PLA2G12A: variants seen among roughly 807,000 people sequenced by gnomAD.
PLA2G12A encodes the protein group XIIA secretory phospholipase A2.
A neutral mutation model predicts 16.0 loss-of-function variants in PLA2G12A; 11 were observed. The ratio of observed to expected loss-of-function variants is 0.69; its 90% CI spans 0.43 to 1.13. The LOEUF is 1.13. Among genes scored for constraint, PLA2G12A ranks in the 50% most tolerant of loss-of-function variants. The pLI, the probability that PLA2G12A is intolerant of heterozygous loss-of-function variation, is 0.00. For synonymous variants in PLA2G12A, 77 were observed against 93.8 expected, an observed-to-expected ratio of 0.82 and a Z score of 1.03; for missense variants, 214 against 237.3, an observed-to-expected ratio of 0.90 and a Z score of 0.65.
intron 1 of PLA2G12A, among the ~76,000 whole-genome samples, chr4:109,720,809 C>A (rs1730926642): frequency 6.6e-6 from 1 of 151,820 alleles, no homozygotes. Flanking sequence ...TGGCTCACAC[C>A]TGTAATCCCA....
At chr4:109,724,867 C>A (rs1208336876) in intron 1 of PLA2G12A, among the ~76,000 whole-genome samples, 1 of 152,086 alleles carries the variant, frequency 6.6e-6, no homozygotes, top group Admixed American at 6.6e-5. Flanking sequence ...ATCTACTGTA[C>A]ATGAAAAACT....
At chr4:109,726,181 CT>C (rs71595512) in intron 1 of PLA2G12A, among the ~76,000 whole-genome samples, 10,881 of 152,234 alleles carry the variant, frequency 0.071, 418 homozygotes, top group African/African-American at 0.1. Flanking sequence ...AAACTACCCC[CT>C]CTCACTTACC....
intron 1 of PLA2G12A, among the ~76,000 whole-genome samples, chr4:109,727,580 C>A (rs1321433931): frequency 6.6e-6 from 1 of 152,052 alleles, no homozygotes; most frequent in African/African-American, 2.4e-5. Flanking sequence ...GTGCCAGAGA[C>A]CTTCCTCTAA....
chr4:109,726,981 T>G (rs1207841005), intron 1 of PLA2G12A, among the ~76,000 whole-genome samples: 3 of 150,898 alleles, frequency 2.0e-5, no homozygotes, highest in African/African-American at 7.3e-5. Context: ...CAACTAAAAA[T>G]ACCCCTTAAT....
chr4:109,722,099 A>C, intron 1 of PLA2G12A, among the ~76,000 whole-genome samples: 1 of 152,214 alleles, frequency 6.6e-6, no homozygotes, highest in East Asian at 1.9e-4. Context: ...GAGACGCTTT[A>C]ATGGCTTCTC....
chr4:109,729,966 T>A lies in PLA2G12A; in HGVS notation c.-157A>T. 1.6e-6 allele frequency: 1 copy of A among 617,958 alleles called. No homozygotes were observed. The highest frequency in any genetic ancestry group is 4.5e-4 in the Middle Eastern group (1 of 2,214). The allele number at this position is 617,958 out of a possible 1,614,324, so 38.3% of individuals were successfully genotyped here. On this transcript the variant is annotated 5_prime_UTR_variant, in exon 1 of 4. Coordinates refer to ENST00000243501, the MANE Select transcript of PLA2G12A (RefSeq NM_030821.5). ...TCCCGGCTGGCCCTCAGGATCTCGC[T>A]GTCTTTACGTGAACCGCCTCGGGCA...
At chr4:109,724,968 T>C (rs1412523316) in intron 1 of PLA2G12A, among the ~76,000 whole-genome samples, 2 of 152,228 alleles carry the variant, frequency 1.3e-5, no homozygotes, top group African/African-American at 2.4e-5. Flanking sequence ...TTCTTTAGTT[T>C]TTTTCAAGGC....
rs1457792233 is a variant in PLA2G12A at position 109,712,319 on chromosome 4, T to A, written c.*2058A>T. ...CTGTAAATCTAAAATTATCCCAAGT[T>A]TTTTTTTTTAATCTGAACATAAAAA... On this transcript the variant is annotated 3_prime_UTR_variant, in exon 4 of 4. Coordinates refer to ENST00000243501, the MANE Select transcript of PLA2G12A (RefSeq NM_030821.5). 6.6e-6 allele frequency: 1 copy of A among 150,524 alleles called. No individual in the cohort carries two copies. Among genetic ancestry groups the A allele is most frequent in the East Asian group, 1.9e-4 (1 of 5,162 alleles). 9.3% of individuals were successfully genotyped at this position (150,524 alleles called of 1,614,324 possible). A position where few individuals can be genotyped will look rare whatever the true frequency, so the allele number is the denominator to read the frequency against.
chr4:109,714,868 G>C (rs1201926085), intron 3 of PLA2G12A, among the ~76,000 whole-genome samples: 1 of 151,100 alleles, frequency 6.6e-6, no homozygotes, highest in African/African-American at 2.4e-5. Flanking sequence ...CTGAGTAGCT[G>C]GCATTACCAT....
Position 109,729,743 on chromosome 4 carries a change from G to A in PLA2G12A, c.67C>T (p.Gln23Ter). The change falls in exon 1 of 4, where the codon CAG (glutamine) becomes TAG (stop). Residue 23 changes from glutamine to a stop codon, truncating the protein, a stop_gained. Transcript: ENST00000243501. LOFTEE classifies it high-confidence loss of function. ...LLLMAAVVRC[Q>*]EQAQTTDWRA... is the part of the protein sequence containing the mutation. ...CAGTCGGTGGTCTGGGCCTGCTCCT[G>A]GCACCTGACAACAGCGGCCATGAGG... is the stretch of plus-strand genomic sequence containing the variant. The A allele has an allele frequency of 1.9e-6, 3 of 1,594,042 alleles. No individual in the cohort carries two copies. The highest frequency in any genetic ancestry group is 2.6e-6 in the Non-Finnish European group (3 of 1,171,274).
chr4:109,721,054 A>C (rs948250306), intron 1 of PLA2G12A, among the ~76,000 whole-genome samples: 1 of 152,190 alleles, frequency 6.6e-6, no homozygotes, highest in African/African-American at 2.4e-5. Context: ...CTGGGCAACA[A>C]GAGCGAAACT....
In PLA2G12A at chr4:109,712,068, T is replaced by C. The variant is rs1489420526; in HGVS notation, c.*2309A>G. The C allele has an allele frequency of 6.6e-6, 1 of 152,226 alleles. No homozygotes were observed. Among genetic ancestry groups the C allele is most frequent in the Admixed American group, 6.5e-5 (1 of 15,282 alleles). 9.4% of individuals were successfully genotyped at this position (152,226 alleles called of 1,614,324 possible). ...TCACAGACCAGAGGCTAATTAGGCA[T>C]GACGACTAATTCAGTGTGGTATCCT... is the stretch of plus-strand genomic sequence containing the variant. On this transcript the variant is annotated 3_prime_UTR_variant, in exon 4 of 4. Transcript: ENST00000243501.
At chr4:109,725,810 A>G (rs570861327) in intron 1 of PLA2G12A, among the ~76,000 whole-genome samples, 3 of 152,338 alleles carry the variant, frequency 2.0e-5, no homozygotes, top group East Asian at 3.9e-4. Context: ...GACAAGCACA[A>G]GAAGTAGTCT....
Position 109,726,651 on chromosome 4 carries a change from T to C in PLA2G12A, c.208+2951A>G, listed in dbSNP as rs191787913. ...AATTAATTAATGACTTATTCATCAT[T>C]CTAAAAACATTTACAAGCCAGTTTT... On this transcript the variant is annotated intron_variant, in intron 1 of 3. Coordinates refer to ENST00000243501, the MANE Select transcript of PLA2G12A (RefSeq NM_030821.5). Among the ~76,000 whole-genome samples the C allele has an allele frequency of 3.1e-4, 47 of 152,286 alleles. No homozygotes were observed. The East Asian group carries it at 8.1e-3, about 26-fold the overall frequency.
chr4:109,729,588 G>A lies in PLA2G12A; in HGVS notation c.208+14C>T. ...GAAAGCACGAGCCCTCGCTGGGCCCGGGTGCCCCCTCACCGTCACTGCATT... is the reference window on the plus strand; with the variant it reads ...GAAAGCACGAGCCCTCGCTGGGCCCAGGTGCCCCCTCACCGTCACTGCATT... On this transcript the variant is annotated intron_variant, in intron 1 of 3. Coordinates refer to ENST00000243501, the MANE Select transcript of PLA2G12A (RefSeq NM_030821.5). 6.2e-7 allele frequency: 1 copy of A among 1,601,752 alleles called. No individual in the cohort carries two copies. The highest frequency in any genetic ancestry group is 8.5e-7 in the Non-Finnish European group (1 of 1,171,998).
At chr4:109,725,215 A>G (rs1452418833) in intron 1 of PLA2G12A, among the ~76,000 whole-genome samples, 2 of 152,236 alleles carry the variant, frequency 1.3e-5, no homozygotes, top group East Asian at 1.9e-4. Flanking sequence ...TTCTTTATCC[A>G]CAGCAAAAAA....
At position 109,714,274 on chromosome 4, in the gene PLA2G12A, A is replaced by G. The variant is rs1730787657; in HGVS notation, c.*103T>C. The G allele has an allele frequency of 2.4e-6, 2 of 850,786 alleles. No individual in the cohort carries two copies. Among genetic ancestry groups the G allele is most frequent in the South Asian group, 2.9e-5 (2 of 67,836 alleles). 52.7% of individuals were successfully genotyped at this position (850,786 alleles called of 1,614,324 possible). A position where few individuals can be genotyped will look rare whatever the true frequency, so the allele number is the denominator to read the frequency against. On this transcript the variant is annotated 3_prime_UTR_variant, in exon 4 of 4. Coordinates refer to ENST00000243501, the MANE Select transcript of PLA2G12A (RefSeq NM_030821.5). ...TAAATTATTTTAAGGTCTCAAAATA[A>G]TCCTTTCACAAAAATAAGACAGTTT...
intron 3 of PLA2G12A, among the ~76,000 whole-genome samples, chr4:109,715,384 T>G (rs947395665): frequency 1.3e-5 from 2 of 152,192 alleles, no homozygotes; most frequent in African/African-American, 4.8e-5. Flanking sequence ...CTTTGACCAA[T>G]GTCCTAATTT....
chr4:109,714,827 TG>T (rs1730798563), intron 3 of PLA2G12A, among the ~76,000 whole-genome samples: 1 of 151,598 alleles, frequency 6.6e-6, no homozygotes, highest in Non-Finnish European at 1.5e-5. Flanking sequence ...CTCCACATCC[TG>T]GGCTAAAGTA....
Sources: gnomAD v4.1 joint callset for allele counts (sites outside exome capture counted in the v4.1 genomes callset) on GRCh38, gnomAD v4.1.1 for gene constraint, MANE v1.5 for transcripts, NCBI Gene and HGNC (gene_info 2026-07-23, HGNC 2026-07-21) for gene names.